Variants in FAAH2 observed in about 807,000 individuals in gnomAD.
FAAH2 encodes fatty acid amide hydrolase 2.
FAAH2 carries 60 observed loss-of-function variants against 36.9 expected under a neutral mutation model. The observed-to-expected ratio is 1.63, with a 90% CI of 1.32 to 2.02. FAAH2 has a LOEUF of 2.02. Ranked by LOEUF, FAAH2 falls within the 30% of genes most tolerant of loss-of-function variation. FAAH2 has a pLI of 0.00. For missense variants in FAAH2, 689 were observed against 397.5 expected (o/e 1.73, Z -6.23); for synonymous variants, 214 against 143.8 (o/e 1.49, Z -3.49).
intron 3 of FAAH2, among the ~76,000 whole-genome samples, chrX:57,319,221 A>C (rs748335462): frequency 8.9e-6 from 1 of 111,927 alleles, no homozygotes; most frequent in East Asian, 2.8e-4. Context: ...GGAAGAGAGG[A>C]AGTCAAGTTG....
chrX:57,159,334 G>A, the FAAH2 span, among the ~76,000 whole-genome samples: 1 of 111,696 alleles, frequency 9.0e-6, no homozygotes, highest in Non-Finnish European at 1.9e-5. Context: ...CTGTTTTTTG[G>A]TTCCATATGA....
At chrX:57,464,250 C>A (rs937045482) in intron 10 of FAAH2, among the ~76,000 whole-genome samples, 1 of 110,152 alleles carries the variant, frequency 9.1e-6, no homozygotes, top group Non-Finnish European at 1.9e-5. Flanking sequence ...ATACCGTGGC[C>A]TATTATGGCA....
At chrX:57,464,450 C>T (rs1309066394) in intron 10 of FAAH2, among the ~76,000 whole-genome samples, 1 of 105,925 alleles carries the variant, frequency 9.4e-6, no homozygotes, top group Non-Finnish European at 1.9e-5. Flanking sequence ...AGAAAGAAAA[C>T]CTAGTAAATA....
intron 8 of FAAH2, among the ~76,000 whole-genome samples, chrX:57,436,806 CAAA>C (rs1171914555): frequency 9.0e-6 from 1 of 110,927 alleles, no homozygotes; most frequent in African/African-American, 3.3e-5. Flanking sequence ...TCCATACACA[CAAA>C]GAAGAATAAA....
the FAAH2 span, among the ~76,000 whole-genome samples, chrX:57,124,467 G>A: frequency 2.7e-5 from 3 of 111,850 alleles, no homozygotes; most frequent in African/African-American, 9.8e-5. Flanking sequence ...TTTTGGCTTA[G>A]GTTTGACTTG....
intron 2 of FAAH2, among the ~76,000 whole-genome samples, chrX:57,296,266 C>G (rs1056999600): frequency 1.8e-5 from 2 of 111,115 alleles, no homozygotes; most frequent in African/African-American, 6.5e-5. Context: ...TCCAGAGGAA[C>G]GATCAGGCAG....
At chrX:57,428,787 G>T (rs1254042258) in intron 7 of FAAH2, among the ~76,000 whole-genome samples, 1 of 111,746 alleles carries the variant, frequency 8.9e-6, no homozygotes, top group African/African-American at 3.3e-5. Context: ...TAAAAATACA[G>T]GAAGAAAACA....
chrX:57,135,527 C>A, the FAAH2 span: 1 of 370,718 alleles, frequency 2.7e-6, no homozygotes, highest in African/African-American at 2.6e-5. Flanking sequence ...TTTTAAATGA[C>A]TGATTATGAT....
At chrX:57,302,654 G>A (rs1002923876) in intron 2 of FAAH2, among the ~76,000 whole-genome samples, 6 of 111,219 alleles carry the variant, frequency 5.4e-5, no homozygotes, top group African/African-American at 2.0e-4. Context: ...AGCTATCCAA[G>A]GGGTAGAATC....
intron 7 of FAAH2, among the ~76,000 whole-genome samples, chrX:57,385,700 T>C (rs1273911347): frequency 8.9e-6 from 1 of 111,890 alleles, no homozygotes; most frequent in African/African-American, 3.2e-5. Context: ...GGTCAGGACA[T>C]CCAGGCCATC....
At chrX:57,265,961 C>A in the FAAH2 span, among the ~76,000 whole-genome samples, 1 of 111,769 alleles carries the variant, frequency 8.9e-6, no homozygotes, top group Non-Finnish European at 1.9e-5. Flanking sequence ...GGTTTCAGAC[C>A]TCCCTGGGAT....
Position 57,457,333 on chromosome X carries a change from A to C in FAAH2, c.1423+8615A>C, listed in dbSNP as rs371949156. Among the ~76,000 whole-genome samples the C allele has an allele frequency of 4.5e-5, 5 of 111,519 alleles. No homozygotes were observed. The East Asian group carries it at 8.5e-4, about 19-fold the overall frequency. On this transcript the variant is annotated intron_variant, in intron 10 of 10. Transcript: ENST00000374900. ...TAAAAGCCATCTACGACAAACCCAC[A>C]GCCAACGTAATACTGAATGAGCAAA...
intron 7 of FAAH2, among the ~76,000 whole-genome samples, chrX:57,427,823 A>G (rs948960497): frequency 1.2e-5 from 1 of 86,601 alleles, no homozygotes; most frequent in Non-Finnish European, 2.6e-5. Context: ...AGTTGAAAGC[A>G]TTCTTTCTAA....
chrX:57,451,612 C>A (rs1413612554), intron 10 of FAAH2, among the ~76,000 whole-genome samples: 1 of 111,040 alleles, frequency 9.0e-6, no homozygotes, highest in East Asian at 2.8e-4. Context: ...TACAATGGTC[C>A]ACGCAGTACG....
the FAAH2 span, among the ~76,000 whole-genome samples, chrX:57,244,063 G>GTCTC: frequency 3.7e-5 from 4 of 107,710 alleles, no homozygotes; most frequent in Non-Finnish European, 7.7e-5. Context: ...TGACCTGATG[G>GTCTC]AGCTGAAAAA....
chrX:57,128,216 A>G, the FAAH2 span, among the ~76,000 whole-genome samples: 131 of 111,198 alleles, frequency 1.2e-3, 1 homozygote, highest in Non-Finnish European at 3.0e-4. Context: ...TCTTAACGTT[A>G]CCCGTGCTGA....
chrX:57,285,071 A>C (rs2051791410), upstream of FAAH2, among the ~76,000 whole-genome samples: 1 of 112,505 alleles, frequency 8.9e-6, no homozygotes, highest in Non-Finnish European at 1.9e-5. Context: ...TCACTCAGCT[A>C]ACAGGTTTTG....
intron 5 of FAAH2, among the ~76,000 whole-genome samples, chrX:57,369,075 C>T (rs757110283): frequency 3.8e-5 from 4 of 106,423 alleles, no homozygotes; most frequent in South Asian, 8.2e-4. Context: ...ATTCAACCAA[C>T]GAAATAAATA....
At chrX:57,345,921 T>C (rs1361257205) in intron 5 of FAAH2, among the ~76,000 whole-genome samples, 1 of 111,640 alleles carries the variant, frequency 9.0e-6, no homozygotes, top group Non-Finnish European at 1.9e-5. Context: ...TTTGCATGTA[T>C]TTGTGAATTT....
Sources: allele counts gnomAD v4.1 joint callset (sites outside exome capture counted in the v4.1 genomes callset), GRCh38; gene constraint gnomAD v4.1.1; transcripts MANE v1.5; gene names NCBI Gene and HGNC (gene_info 2026-07-23, HGNC 2026-07-21).